The following NFXL1 variants were observed in gnomAD, a reference collection of about 807,000 sequenced individuals.
NFXL1 encodes NF-X1-type zinc finger protein NFXL1.
NFXL1 carries 66 observed loss-of-function variants against 123.3 expected under a neutral mutation model. The ratio of observed to expected loss-of-function variants is 0.54; its 90% CI spans 0.44 to 0.66. The LOEUF (loss-of-function observed/expected upper bound fraction) is 0.66, where lower values mean the gene tolerates loss of function less well. Ranked by LOEUF, NFXL1 falls within the 30% of genes least tolerant of loss-of-function variation. NFXL1 has a pLI of 0.00. For synonymous variants in NFXL1, 346 were observed against 360.8 expected (o/e 0.96, Z 0.46); for missense variants, 944 against 1,125.6 (o/e 0.84, Z 2.31).
At chr4:47,884,973 A>G (rs1223507925) in intron 14 of NFXL1, among the ~76,000 whole-genome samples, 4 of 151,830 alleles carry the variant, frequency 2.6e-5, no homozygotes, top group Non-Finnish European at 4.4e-5. Context: ...CTAAAACTAC[A>G]AAAATTAGCT....
chr4:47,852,503 C>A (rs2110025637), intron 20 of NFXL1, among the ~76,000 whole-genome samples: 1 of 152,186 alleles, frequency 6.6e-6, no homozygotes, highest in Middle Eastern at 3.4e-3. Context: ...TCAGATAGTG[C>A]AGCTCTAGAG....
At chr4:47,880,278 G>A (rs977574097) in intron 15 of NFXL1, among the ~76,000 whole-genome samples, 2 of 151,684 alleles carry the variant, frequency 1.3e-5, no homozygotes, top group African/African-American at 2.4e-5. Flanking sequence ...AATAGTGCAC[G>A]CCTAGTCCCA....
At chr4:47,878,701 A>G in intron 16 of NFXL1, 36 bp from the exon 17 acceptor site, 1 of 1,428,662 alleles carries the variant, frequency 7.0e-7, no homozygotes, top group East Asian at 2.6e-5. Flanking sequence ...AGCACACATT[A>G]CTCAAACGTT....
In NFXL1 at chr4:47,902,733, T is replaced by G. The variant is rs1013040075; in HGVS notation, c.647+460A>C. Among the ~76,000 whole-genome samples the G allele has an allele frequency of 4.6e-5, 7 of 152,092 alleles. No homozygotes were observed. The East Asian group carries it at 1.2e-3, about 25-fold the overall frequency. ...AACTAGTAGTTATAGAAATTCAAAT[T>G]GAAAAAAACAAGACTTTATCAAGAT... On this transcript the variant is annotated intron_variant, in intron 5 of 22. Coordinates refer to ENST00000507489, the MANE Select transcript of NFXL1 (RefSeq NM_001278624.2).
chr4:47,895,238 A>T (rs7670219), intron 10 of NFXL1, among the ~76,000 whole-genome samples: 125,650 of 152,040 alleles, frequency 0.83, 52,144 homozygotes, highest in East Asian at 0.98. Context: ...GCAAAATTCA[A>T]AAGATCCCTA....
intron 21 of NFXL1, among the ~76,000 whole-genome samples, 163 bp downstream of exon 21, chr4:47,851,693 A>G (rs775389856): frequency 1.3e-5 from 2 of 152,098 alleles, no homozygotes; most frequent in Non-Finnish European, 2.9e-5. Flanking sequence ...TACACTAGGC[A>G]ATGAAAATCC....
At chr4:47,856,424 T>C (rs1362429968) in intron 19 of NFXL1, among the ~76,000 whole-genome samples, 1 of 152,172 alleles carries the variant, frequency 6.6e-6, no homozygotes, top group East Asian at 1.9e-4. Context: ...TCAGGACATA[T>C]GCCCACCATA....
intron 11 of NFXL1, among the ~76,000 whole-genome samples, chr4:47,893,610 C>T (rs1736906437): frequency 6.6e-6 from 1 of 150,798 alleles, no homozygotes; most frequent in South Asian, 2.1e-4. Context: ...ATATTTTTCA[C>T]AAAGACTAAA....
At chr4:47,872,387 A>C (rs190678176) in intron 18 of NFXL1, among the ~76,000 whole-genome samples, 5 of 151,470 alleles carry the variant, frequency 3.3e-5, no homozygotes, top group Non-Finnish European at 7.4e-5. Flanking sequence ...GCTTGAACCC[A>C]GGAGGCAGAG....
intron 19 of NFXL1, among the ~76,000 whole-genome samples, chr4:47,861,120 C>T (rs981627095): frequency 6.6e-6 from 1 of 152,030 alleles, no homozygotes; most frequent in African/African-American, 2.4e-5. Flanking sequence ...CTCAGCCTCC[C>T]AAAGTGCTGG....
intron 20 of NFXL1, among the ~76,000 whole-genome samples, chr4:47,854,446 T>C (rs1413685872): frequency 6.6e-6 from 1 of 152,030 alleles, no homozygotes; most frequent in African/African-American, 2.4e-5. Flanking sequence ...GACAGTATAT[T>C]TTCCTTCATA....
At chr4:47,913,311 T>C (rs28636596) in intron 2 of NFXL1, among the ~76,000 whole-genome samples, 55,856 of 152,048 alleles carry the variant, frequency 0.37, 10,767 homozygotes, top group East Asian at 0.59. Flanking sequence ...ATGAAAAGTA[T>C]TGATATATCG....
chr4:47,856,013 G>A (rs888055793), intron 19 of NFXL1, among the ~76,000 whole-genome samples: 1 of 152,138 alleles, frequency 6.6e-6, no homozygotes, highest in Non-Finnish European at 1.5e-5. Flanking sequence ...CTAAACTGTT[G>A]TAACATTGCT....
chr4:47,870,366 A>G (rs367593454), intron 18 of NFXL1, among the ~76,000 whole-genome samples: 1 of 152,194 alleles, frequency 6.6e-6, no homozygotes, highest in African/African-American at 2.4e-5. Context: ...TCAGCATCCA[A>G]TCTTATTTAA....
intron 14 of NFXL1, among the ~76,000 whole-genome samples, chr4:47,885,262 C>T (rs1736357629): frequency 6.6e-6 from 1 of 152,034 alleles, no homozygotes; most frequent in Admixed American, 6.6e-5. Flanking sequence ...CTGCCAAATT[C>T]ACCTGTATCA....
chr4:47,877,246 CA>C (rs984693934), intron 17 of NFXL1: 13 of 433,504 alleles, frequency 3.0e-5, no homozygotes, highest in Non-Finnish European at 4.6e-5. Flanking sequence ...ATGGCAGAAA[CA>C]AAAAAAATCA....
chr4:47,908,138 T>C (rs971330915), intron 3 of NFXL1, among the ~76,000 whole-genome samples: 2 of 152,204 alleles, frequency 1.3e-5, no homozygotes, highest in East Asian at 3.8e-4. Flanking sequence ...AAGACTTGAT[T>C]AACTCTCAGC....
At chr4:47,904,847 TAAGCC>T (rs1056674489) in intron 4 of NFXL1, among the ~76,000 whole-genome samples, 5 of 152,176 alleles carry the variant, frequency 3.3e-5, no homozygotes, top group African/African-American at 1.2e-4. Flanking sequence ...GCTAACTAAT[TAAGCC>T]ATAAGTGTTA....
At chr4:47,913,924 C>T (rs2110113869) in intron 2 of NFXL1, 45 bp downstream of exon 2, 2 of 1,422,808 alleles carry the variant, frequency 1.4e-6, no homozygotes, top group African/African-American at 1.4e-5. Context: ...TAGTAACTGC[C>T]TTAGGAGGCA....
Sources: allele counts gnomAD v4.1 joint callset (sites outside exome capture counted in the v4.1 genomes callset), GRCh38; gene constraint gnomAD v4.1.1; transcripts MANE v1.5; gene names NCBI Gene and HGNC (gene_info 2026-07-23, HGNC 2026-07-21).